Variants in WWOX observed in about 807,000 individuals in gnomAD.
WWOX encodes the protein WW domain-containing oxidoreductase.
A neutral mutation model predicts 46.2 loss-of-function variants in WWOX; 69 were observed. That is an observed-to-expected ratio of 1.49 (90% CI 1.23 to 1.82). The LOEUF is 1.82. WWOX is among the 40% of genes most tolerant of loss of function. The pLI is 0.00. For synonymous variants in WWOX, 359 were observed against 202.6 expected, an observed-to-expected ratio of 1.77 and a Z score of -6.56; for missense variants, 919 against 542.6, an observed-to-expected ratio of 1.69 and a Z score of -6.89.
chr16:78,858,366 G>A (rs2052618739), intron 8 of WWOX, among the ~76,000 whole-genome samples: 1 of 151,846 alleles, frequency 6.6e-6, no homozygotes, highest in African/African-American at 2.4e-5. Context: ...ATATGTGTGT[G>A]TATGTATATA....
chr16:78,795,787 C>T (rs1320302444), intron 8 of WWOX, among the ~76,000 whole-genome samples: 1 of 151,866 alleles, frequency 6.6e-6, no homozygotes, highest in Non-Finnish European at 1.5e-5. Flanking sequence ...TAGCTAATGT[C>T]CTTGAGGATG....
At chr16:78,371,334 T>G (rs2081678877) in intron 5 of WWOX, among the ~76,000 whole-genome samples, 1 of 152,228 alleles carries the variant, frequency 6.6e-6, no homozygotes, top group Non-Finnish European at 1.5e-5. Flanking sequence ...TGCCTCACAG[T>G]AAAAAAGTGT....
chr16:78,987,617 T>A (rs968762187), intron 8 of WWOX, among the ~76,000 whole-genome samples: 1 of 152,196 alleles, frequency 6.6e-6, no homozygotes, highest in Non-Finnish European at 1.5e-5. Context: ...CTATGCTCCC[T>A]CATGTTTCAA....
At chr16:78,563,466 A>G (rs945391357) in intron 8 of WWOX, among the ~76,000 whole-genome samples, 1 of 149,832 alleles carries the variant, frequency 6.7e-6, no homozygotes, top group Non-Finnish European at 1.5e-5. Context: ...GTATGTGTTC[A>G]GGATACGGGC....
At chr16:78,980,939 C>G (rs1221684550) in intron 8 of WWOX, among the ~76,000 whole-genome samples, 7 of 152,044 alleles carry the variant, frequency 4.6e-5, no homozygotes, top group Admixed American at 1.3e-4. Context: ...ATGTTGAGAT[C>G]GAGTGATATA....
At chr16:79,024,571 C>T (rs555784241) in intron 8 of WWOX, among the ~76,000 whole-genome samples, 2 of 151,974 alleles carry the variant, frequency 1.3e-5, no homozygotes, top group Non-Finnish European at 2.9e-5. Context: ...GTAGCTGGGA[C>T]TACAGGCACC....
intron 5 of WWOX, chr16:78,278,785 A>G: frequency 1.2e-6 from 1 of 835,212 alleles, no homozygotes; most frequent in Non-Finnish European, 1.9e-6. Flanking sequence ...GATTTGCAAC[A>G]ACATCTATTA....
chr16:79,036,412 G>T (rs1181055222), intron 8 of WWOX, among the ~76,000 whole-genome samples: 2 of 152,158 alleles, frequency 1.3e-5, no homozygotes, highest in African/African-American at 2.4e-5. Flanking sequence ...TAGAATTATT[G>T]CCCGTTGACC....
intron 8 of WWOX, among the ~76,000 whole-genome samples, chr16:79,063,618 C>A (rs1159817679): frequency 6.6e-6 from 1 of 152,190 alleles, no homozygotes; most frequent in African/African-American, 2.4e-5. Flanking sequence ...GGCCTTTAAG[C>A]CATCACTAGA....
At chr16:78,175,760 A>G (rs528092019) in intron 5 of WWOX, among the ~76,000 whole-genome samples, 2 of 152,320 alleles carry the variant, frequency 1.3e-5, no homozygotes, top group African/African-American at 4.8e-5. Flanking sequence ...TAAGATACCA[A>G]ATGGTTACTG....
At chr16:78,567,447 G>A (rs894622223) in intron 8 of WWOX, among the ~76,000 whole-genome samples, 3 of 151,022 alleles carry the variant, frequency 2.0e-5, no homozygotes, top group East Asian at 2.0e-4. Context: ...CAGCTACTCC[G>A]GAGGCTGAGA....
At chr16:78,208,523 G>T (rs1333988959) in intron 5 of WWOX, among the ~76,000 whole-genome samples, 1 of 151,972 alleles carries the variant, frequency 6.6e-6, no homozygotes, top group African/African-American at 2.4e-5. Flanking sequence ...TTTCTTTTAG[G>T]GTGTCTTTAT....
At chr16:78,432,393 A>G (rs2083242745) in intron 7 of WWOX, 95 bp from the exon 8 acceptor site, 3 of 1,529,574 alleles carry the variant, frequency 2.0e-6, no homozygotes, top group Admixed American at 3.4e-5. Context: ...GATGTGAGCC[A>G]CTGCACCCAG....
chr16:79,174,029 C>T (rs973474782), intron 8 of WWOX, among the ~76,000 whole-genome samples: 1 of 152,148 alleles, frequency 6.6e-6, no homozygotes, highest in African/African-American at 2.4e-5. Context: ...ACTGTATTTT[C>T]AAGATACGCA....
At chr16:78,925,085 C>G (rs577555625) in intron 8 of WWOX, among the ~76,000 whole-genome samples, 80 of 152,250 alleles carry the variant, frequency 5.3e-4, no homozygotes, top group African/African-American at 1.8e-3. Context: ...GTCCCAGTTA[C>G]TGGGGAGGCT....
In WWOX at chr16:78,525,016, C is replaced by T. The variant is rs115279052; in HGVS notation, c.1056+92264C>T. 8.9e-3 allele frequency among the ~76,000 whole-genome samples: 1,342 copies of T among 150,778 alleles called. 18 individuals are homozygous for T. Among genetic ancestry groups the T allele is most frequent in the African/African-American group, 0.028 (1,154 of 41,124 alleles). On this transcript the variant is annotated intron_variant, in intron 8 of 8. Transcript: ENST00000566780. Reference sequence around the variant, plus strand: ...GAGTAGCTGGAATTACGGGCTCATGCCACCACACTTGGCTACTTGTTTAAT... The same window carrying T: ...GAGTAGCTGGAATTACGGGCTCATGTCACCACACTTGGCTACTTGTTTAAT...
chr16:78,829,769 C>G (rs1361640540), intron 8 of WWOX, among the ~76,000 whole-genome samples: 2 of 152,150 alleles, frequency 1.3e-5, no homozygotes, highest in South Asian at 2.1e-4. Context: ...TCCCAAGATC[C>G]TACAGGAATT....
chr16:78,744,286 A>G (rs141045293), intron 8 of WWOX, among the ~76,000 whole-genome samples: 14 of 152,140 alleles, frequency 9.2e-5, no homozygotes, highest in African/African-American at 2.9e-4. Context: ...CATAGGCTAT[A>G]ACTGCAAGGT....
chr16:78,573,293 A>ACAAAC (rs2044765295), intron 8 of WWOX, among the ~76,000 whole-genome samples: 1 of 152,232 alleles, frequency 6.6e-6, no homozygotes. Context: ...CTCAAAACAA[A>ACAAAC]CAAACAAAAC....
Sources: gnomAD v4.1 joint callset for allele counts (sites outside exome capture counted in the v4.1 genomes callset) on GRCh38, gnomAD v4.1.1 for gene constraint, MANE v1.5 for transcripts, NCBI Gene and HGNC (gene_info 2026-07-23, HGNC 2026-07-21) for gene names.